Variants in UBTD2 observed in about 807,000 individuals in gnomAD.
The protein encoded by UBTD2 is ubiquitin domain containing 2.
UBTD2 carries 9 observed loss-of-function variants against 19.8 expected under a neutral mutation model. The ratio of observed to expected loss-of-function variants is 0.46; its 90% CI spans 0.27 to 0.79. The LOEUF is 0.79. Among genes scored for constraint, UBTD2 ranks in the 30% least tolerant of loss-of-function variants. The pLI, the probability that UBTD2 is intolerant of heterozygous loss-of-function variation, is 0.14. For synonymous variants in UBTD2, 98 were observed against 103.9 expected, an observed-to-expected ratio of 0.94 and a Z score of 0.35; for missense variants, 250 against 300.4, an observed-to-expected ratio of 0.83 and a Z score of 1.24.
Position 172,283,727 on chromosome 5 carries a change from G to C in UBTD2, c.-62C>G, listed in dbSNP as rs1755774738. 7.0e-6 allele frequency: 8 copies of C among 1,141,828 alleles called. No homozygotes were observed. The highest frequency in any genetic ancestry group is 8.7e-6 in the Non-Finnish European group (8 of 919,292). The allele number at this position is 1,141,828 out of a possible 1,614,324, so 70.7% of individuals were successfully genotyped here. ...CTCGTCCGGGCCCGCCGCCGCCGCC[G>C]CTGCAGCCTCCTCCGGCGCCACCGC... On this transcript the variant is annotated 5_prime_UTR_variant, in exon 1 of 3. Transcript: ENST00000393792. The surrounding 1 kb of genome is among the most constrained non-coding windows in gnomAD (Gnocchi z 4.3).
chr5:172,211,693 T>C lies in UBTD2; in HGVS notation c.*137A>G. 1.1e-6 allele frequency: 1 copy of C among 943,466 alleles called. No homozygotes were observed. Among genetic ancestry groups the C allele is most frequent in the Non-Finnish European group, 1.4e-6 (1 of 690,388 alleles). 58.4% of individuals were successfully genotyped at this position (943,466 alleles called of 1,614,324 possible). ...CTCCATCACAGATGGAATTTTTCAC[T>C]GGTAATTCCTCAGAACTAAATCCAT... On this transcript the variant is annotated 3_prime_UTR_variant, in exon 3 of 3. Transcript: ENST00000393792.
intron 1 of UBTD2, chr5:172,254,673 A>G: frequency 1.8e-6 from 1 of 558,246 alleles, no homozygotes; most frequent in Non-Finnish European, 3.2e-6. Context: ...TCCACAGGTA[A>G]AGGTCTCTTC....
chr5:172,225,933 CTTTT>C (rs57155195), intron 2 of UBTD2, among the ~76,000 whole-genome samples: 1 of 107,496 alleles, frequency 9.3e-6, no homozygotes, highest in Non-Finnish European at 1.8e-5. Flanking sequence ...GGCTTAAACT[CTTTT>C]TTTTTTTTTT....
At chr5:172,241,158 A>T (rs1181192102) in intron 1 of UBTD2, among the ~76,000 whole-genome samples, 1 of 152,096 alleles carries the variant, frequency 6.6e-6, no homozygotes, top group Non-Finnish European at 1.5e-5. Context: ...TCACACCTGT[A>T]ATCTCAGCAC....
At chr5:172,273,932 A>G (rs917797672) in intron 1 of UBTD2, among the ~76,000 whole-genome samples, 44 of 151,874 alleles carry the variant, frequency 2.9e-4, no homozygotes, top group Non-Finnish European at 5.6e-4. Context: ...CACTCCTCCT[A>G]GTAAAATTTG....
rs2291512 is a variant in UBTD2 at position 172,234,162 on chromosome 5, T to C, written c.267A>G (p.Ala89=). The C allele has an allele frequency of 7.9e-3, 12,706 of 1,614,180 alleles. 109 individuals carry two copies. The highest frequency in any genetic ancestry group is 0.048 in the East Asian group (2,148 of 44,874). Residue 89 remains alanine (A), a synonymous_variant, in exon 2 of 3, where the codon GCA becomes GCG. Transcript: ENST00000393792. The part of the protein sequence containing the change: ...HAFESNDHEL[A]QAIIDGANIT... ...TGTTTGCACCATCAATGATTGCTTG[T>C]GCCAGTTCATGATCATTGCTCTCAA...
At chr5:172,216,443 T>TAA (rs1189927208) in intron 2 of UBTD2, among the ~76,000 whole-genome samples, 1 of 141,114 alleles carries the variant, frequency 7.1e-6, no homozygotes, top group Admixed American at 7.1e-5. Context: ...AATCAAAGAT[T>TAA]AAAAAAAAAA....
intron 1 of UBTD2, among the ~76,000 whole-genome samples, chr5:172,235,029 T>G (rs762341824): frequency 6.6e-6 from 1 of 152,170 alleles, no homozygotes; most frequent in African/African-American, 2.4e-5. Context: ...TGGGAGTACA[T>G]AGGAAATCTC....
intron 1 of UBTD2, among the ~76,000 whole-genome samples, chr5:172,250,432 C>T (rs924570260): frequency 3.9e-5 from 6 of 152,084 alleles, no homozygotes; most frequent in African/African-American, 1.4e-4. Context: ...ACACAATTTA[C>T]TTCTGTAATA....
intron 2 of UBTD2, among the ~76,000 whole-genome samples, chr5:172,217,729 A>G (rs931822021): frequency 2.0e-5 from 3 of 152,054 alleles, no homozygotes; most frequent in African/African-American, 7.2e-5. Flanking sequence ...CTGGGGGCAA[A>G]TGATCCGCCT....
At chr5:172,281,975 C>T (rs1442867089) in intron 1 of UBTD2, among the ~76,000 whole-genome samples, 1 of 152,302 alleles carries the variant, frequency 6.6e-6, no homozygotes, top group Middle Eastern at 3.4e-3. Flanking sequence ...AGATTTCACG[C>T]TTTTTAAAGC....
rs1405462914 is a variant in UBTD2 at position 172,211,025 on chromosome 5, C to T, written c.*805G>A. On this transcript the variant is annotated 3_prime_UTR_variant, in exon 3 of 3. Coordinates refer to ENST00000393792, the MANE Select transcript of UBTD2 (RefSeq NM_152277.3). ...CTAAGCCTGGATATAAAAATGGCTT[C>T]GTTATACAGACCTTTCAAAATACTT... is the stretch of plus-strand genomic sequence containing the variant. The T allele has an allele frequency of 6.6e-6, 1 of 152,078 alleles. No individual in the cohort carries two copies. Among genetic ancestry groups the T allele is most frequent in the Admixed American group, 6.6e-5 (1 of 15,262 alleles). The allele number at this position is 152,078 out of a possible 1,614,324, so 9.4% of individuals were successfully genotyped here.
At chr5:172,255,340 T>C (rs1042409778) in intron 1 of UBTD2, 18 of 455,266 alleles carry the variant, frequency 4.0e-5, no homozygotes, top group African/African-American at 3.0e-4. Context: ...CCCATACTTG[T>C]TGGGCTTCAT....
chr5:172,220,339 A>G (rs1771626054), intron 2 of UBTD2, among the ~76,000 whole-genome samples: 1 of 152,228 alleles, frequency 6.6e-6, no homozygotes, highest in African/African-American at 2.4e-5. Context: ...GAATATCTAC[A>G]AAAAAGCTAT....
intron 1 of UBTD2, among the ~76,000 whole-genome samples, chr5:172,236,849 T>C (rs1772020485): frequency 6.6e-6 from 1 of 152,126 alleles, no homozygotes; most frequent in African/African-American, 2.4e-5. Context: ...TCTCAGGACC[T>C]AAAACTAAAG....
At chr5:172,261,598 T>C (rs1268284017) in intron 1 of UBTD2, among the ~76,000 whole-genome samples, 2 of 152,098 alleles carry the variant, frequency 1.3e-5, no homozygotes, top group Admixed American at 6.6e-5. Context: ...AATAACTGTG[T>C]TTACTGTCAT....
rs146742127 is a variant in UBTD2 at position 172,209,892 on chromosome 5, A to G, written c.*1938T>C. The G allele has an allele frequency of 3.9e-5, 6 of 152,770 alleles. No individual in the cohort carries two copies. The highest frequency in any genetic ancestry group is 3.4e-3 in the Middle Eastern group (1 of 292). 9.5% of individuals were successfully genotyped at this position (152,770 alleles called of 1,614,324 possible). Reference sequence around the variant, plus strand: ...ACAAAGAAAGACCTTTTACCAATCGATATCATAGATATTGATGACATCACC... The same window carrying G: ...ACAAAGAAAGACCTTTTACCAATCGGTATCATAGATATTGATGACATCACC... On this transcript the variant is annotated 3_prime_UTR_variant, in exon 3 of 3. Transcript: ENST00000393792.
chr5:172,270,882 C>T (rs1755475811), intron 1 of UBTD2, among the ~76,000 whole-genome samples: 1 of 152,032 alleles, frequency 6.6e-6, no homozygotes, highest in African/African-American at 2.4e-5. Context: ...GTTAGAAGCA[C>T]AAAAAACAAA....
intron 1 of UBTD2, among the ~76,000 whole-genome samples, chr5:172,260,053 C>T (rs1755234243): frequency 6.8e-6 from 1 of 148,034 alleles, no homozygotes; most frequent in South Asian, 2.2e-4. Context: ...ACTCTGTCCG[C>T]CCCCACCCCC....
Sources: gnomAD v4.1 joint callset for allele counts (sites outside exome capture counted in the v4.1 genomes callset) on GRCh38, gnomAD v4.1.1 for gene constraint, Gnocchi (gnomAD v3.1) non-coding constraint, MANE v1.5 for transcripts, NCBI Gene and HGNC (gene_info 2026-07-23, HGNC 2026-07-21) for gene names.